CFAP47: variants seen among roughly 807,000 people sequenced by gnomAD.
CFAP47 encodes cilia- and flagella-associated protein 47.
A neutral mutation model predicts 148.1 loss-of-function variants in CFAP47; 29 were observed. The observed-to-expected ratio is 0.20, with a 90% CI of 0.15 to 0.27. The LOEUF (loss-of-function observed/expected upper bound fraction) is 0.27, where lower values mean the gene tolerates loss of function less well. Ranked by LOEUF, CFAP47 falls within the 10% of genes least tolerant of loss-of-function variation. The pLI is 1.00. For missense variants in CFAP47, 1,872 were observed against 1,697.5 expected (o/e 1.10, Z -1.81); for synonymous variants, 664 against 577.3 (o/e 1.15, Z -2.15).
At position 36,236,805 on chromosome X, in the gene CFAP47, G is replaced by T; in HGVS notation, c.7278G>T (p.Val2426=). The T allele has an allele frequency of 3.9e-6, 2 of 514,025 alleles. No individual in the cohort carries two copies. Among genetic ancestry groups the T allele is most frequent in the Non-Finnish European group, 7.1e-6 (2 of 282,260 alleles). The allele number at this position is 514,025 out of a possible 1,213,427, so 42.4% of individuals were successfully genotyped here. A position where few individuals can be genotyped will look rare whatever the true frequency, so the allele number is the denominator to read the frequency against. ...HITVECQVGN[V]TQKHITLPHF... is the part of the protein sequence containing the mutation. The stretch of plus-strand genomic sequence containing the variant: ...CTGTGGAATGTCAAGTGGGGAATGT[G>T]ACACAAAAGCATATAACATTGCCTC... The change falls in exon 48 of 64, where the codon GTG becomes GTT. Residue 2426 remains valine, a synonymous_variant. Transcript: ENST00000378653.
At chrX:36,091,866 G>T (rs1481376005) in intron 30 of CFAP47, among the ~76,000 whole-genome samples, 1 of 111,265 alleles carries the variant, frequency 9.0e-6, no homozygotes, top group Non-Finnish European at 1.9e-5. Context: ...TCACAAGACT[G>T]CAAATTCTGA....
At chrX:36,186,144 A>T (rs941635350) in intron 40 of CFAP47, among the ~76,000 whole-genome samples, 1 of 112,082 alleles carries the variant, frequency 8.9e-6, no homozygotes, top group Non-Finnish European at 1.9e-5. Context: ...AACATAAATA[A>T]TATCTTAAGA....
At chrX:36,348,658 A>G (rs1941718238) in intron 58 of CFAP47, among the ~76,000 whole-genome samples, 2 of 110,951 alleles carry the variant, frequency 1.8e-5, no homozygotes, top group South Asian at 7.6e-4. Context: ...AGGACAACCT[A>G]AAACAGCTTG....
intron 26 of CFAP47, among the ~76,000 whole-genome samples, chrX:36,057,131 G>A (rs1350764757): frequency 9.0e-6 from 1 of 111,506 alleles, no homozygotes; most frequent in Non-Finnish European, 1.9e-5. Flanking sequence ...TATCACAGAT[G>A]AGGATGTCAA....
chrX:36,384,325 A>G (rs1212057000), intron 63 of CFAP47, among the ~76,000 whole-genome samples: 2 of 111,004 alleles, frequency 1.8e-5, no homozygotes, highest in African/African-American at 6.6e-5. Flanking sequence ...TGGGTGACAG[A>G]GTGAGACCCT....
intron 21 of CFAP47, among the ~76,000 whole-genome samples, chrX:36,003,645 A>G (rs1936942576): frequency 9.0e-6 from 1 of 110,771 alleles, no homozygotes; most frequent in African/African-American, 3.3e-5. Flanking sequence ...AGAGCCATCT[A>G]TGACAAACCC....
intron 52 of CFAP47, 113 bp downstream of exon 52, chrX:36,299,265 CTT>C (rs1257812388): frequency 6.6e-6 from 3 of 453,754 alleles, no homozygotes; most frequent in Non-Finnish European, 1.0e-5. Context: ...ATAGTTTTAA[CTT>C]TGTTTAATAC....
chrX:36,112,263 A>G (rs11796473), intron 33 of CFAP47, among the ~76,000 whole-genome samples: 23,034 of 110,746 alleles, frequency 0.21, 2,232 homozygotes, highest in East Asian at 0.48. Flanking sequence ...TCTTTTTAAC[A>G]TTGCCTTAGA....
chrX:36,371,563 A>G (rs782211468), intron 62 of CFAP47, among the ~76,000 whole-genome samples: 28 of 101,243 alleles, frequency 2.8e-4, no homozygotes, highest in African/African-American at 7.8e-4. Context: ...ATATATGTGT[A>G]TATATATGTG....
chrX:36,111,178 G>A (rs1938549200), intron 33 of CFAP47, among the ~76,000 whole-genome samples: 1 of 111,447 alleles, frequency 9.0e-6, no homozygotes, highest in African/African-American at 3.3e-5. Context: ...CTTCATCTGT[G>A]CTGGTTTTCA....
At position 36,071,853 on chromosome X, in the gene CFAP47, A is replaced by G. The variant is rs1166564945; in HGVS notation, c.4347A>G (p.Arg1449=). ...NDKDEYLKKT[R]DGVLPPYQDA... ...AGGATGAATATCTTAAGAAGACTAGAGATGGTGTTTTGCCTCCCTACCAGG... is the reference window on the plus strand; with the variant it reads ...AGGATGAATATCTTAAGAAGACTAGGGATGGTGTTTTGCCTCCCTACCAGG... Residue 1449 remains arginine (R), a synonymous_variant, in exon 28 of 64, where the codon AGA becomes AGG. Coordinates refer to ENST00000378653, the MANE Select transcript of CFAP47 (RefSeq NM_001304548.2). The G allele has an allele frequency of 1.7e-6, 2 of 1,206,064 alleles. No homozygotes were observed. Among genetic ancestry groups the G allele is most frequent in the Non-Finnish European group, 2.2e-6 (2 of 892,827 alleles).
intron 49 of CFAP47, among the ~76,000 whole-genome samples, chrX:36,276,958 G>C (rs1556002797): frequency 1.8e-5 from 2 of 111,367 alleles, no homozygotes; most frequent in Non-Finnish European, 3.8e-5. Context: ...AATTTTGAGG[G>C]AGTTGGGAGG....
chrX:36,186,971 T>C (rs1939814199), intron 40 of CFAP47, among the ~76,000 whole-genome samples: 1 of 111,144 alleles, frequency 9.0e-6, no homozygotes. Context: ...AGTGGTAGTG[T>C]GGACTGAGGT....
Position 36,138,056 on chromosome X carries a change from GT to G in CFAP47, c.5418+2del. 1 of 792,597 alleles carries G rather than the reference GT, an allele frequency of 1.3e-6. No homozygotes were observed. Among genetic ancestry groups the G allele is most frequent in the Non-Finnish European group, 1.9e-6 (1 of 528,667 alleles). The allele number at this position is 792,597 out of a possible 1,213,427, so 65.3% of individuals were successfully genotyped here. ...GTTGGGAGCCTATTGCCCATTCTTG[GT>G]AAGAGTCGTTTTTATGCATAATGAT... is the stretch of plus-strand genomic sequence containing the variant. On this transcript the variant is annotated splice_donor_variant, in intron 34 of 63. Coordinates refer to ENST00000378653, the MANE Select transcript of CFAP47 (RefSeq NM_001304548.2). LOFTEE classifies it high-confidence loss of function.
At chrX:36,330,654 C>G (rs1941556858) in intron 57 of CFAP47, among the ~76,000 whole-genome samples, 1 of 112,039 alleles carries the variant, frequency 8.9e-6, no homozygotes, top group African/African-American at 3.2e-5. Context: ...ATATCTGGAA[C>G]AGTAACCCAG....
At chrX:36,247,698 G>T (rs781973366) in intron 48 of CFAP47, among the ~76,000 whole-genome samples, 1 of 110,863 alleles carries the variant, frequency 9.0e-6, no homozygotes, top group African/African-American at 3.3e-5. Flanking sequence ...AGGAATTTAA[G>T]TGACACATTA....
rs782443629 is a variant in CFAP47, at chrX:36,324,378, A to G, written c.8443+5071A>G. Reference sequence around the variant, plus strand: ...CTCTAGTGTTACATACTGTAGCACTAGAGAATAAAGTACTACTTTACAAAT... The same window carrying G: ...CTCTAGTGTTACATACTGTAGCACTGGAGAATAAAGTACTACTTTACAAAT... On this transcript the variant is annotated intron_variant, in intron 57 of 63. Coordinates refer to ENST00000378653, the MANE Select transcript of CFAP47 (RefSeq NM_001304548.2). 1.3e-4 allele frequency among the ~76,000 whole-genome samples: 14 copies of G among 111,109 alleles called. No homozygotes were observed. The South Asian group carries it at 5.3e-3, about 42-fold the overall frequency.
intron 61 of CFAP47, among the ~76,000 whole-genome samples, chrX:36,362,867 C>T (rs1443856290): frequency 9.0e-6 from 1 of 111,709 alleles, no homozygotes; most frequent in Non-Finnish European, 1.9e-5. Context: ...TACATATTGA[C>T]ATTTTCTATG....
rs1556001683 is a variant in CFAP47 at position 36,270,549 on chromosome X, G to GTGTATATA, written c.7445-9937_7445-9936insGTATATAT. Among the ~76,000 whole-genome samples the GTGTATATA allele has an allele frequency of 1.5e-3, 145 of 95,507 alleles. 1 individual carries two copies. Among genetic ancestry groups the GTGTATATA allele is most frequent in the African/African-American group, 5.2e-3 (134 of 25,708 alleles). 82.9% of individuals were successfully genotyped at this position (95,507 alleles called of 115,157 possible). A position where few individuals can be genotyped will look rare whatever the true frequency, so the allele number is the denominator to read the frequency against. Reference sequence around the variant, plus strand: ...TTGAATTTTGAGAGTTTTAAAATTTGTATATATATATATATATGATACCCT... The same window carrying GTGTATATA: ...TTGAATTTTGAGAGTTTTAAAATTTGTGTATATATATATATATATATATATGATACCCT... On this transcript the variant is annotated intron_variant, in intron 49 of 63. Coordinates refer to ENST00000378653, the MANE Select transcript of CFAP47 (RefSeq NM_001304548.2).
Sources: allele counts gnomAD v4.1 joint callset (sites outside exome capture counted in the v4.1 genomes callset), GRCh38; gene constraint gnomAD v4.1.1; transcripts MANE v1.5; gene names NCBI Gene and HGNC (gene_info 2026-07-23, HGNC 2026-07-21).